Variants in USP53 observed in about 807,000 individuals in gnomAD.
The protein encoded by USP53 is ubiquitin specific peptidase 53.
A neutral mutation model predicts 94.9 loss-of-function variants in USP53; 71 were observed. That is an observed-to-expected ratio of 0.75 (90% confidence interval 0.62 to 0.91). The LOEUF (loss-of-function observed/expected upper bound fraction) is 0.91, where lower values mean the gene tolerates loss of function less well. Among genes scored for constraint, USP53 ranks in the 40% least tolerant of loss-of-function variants. The probability of loss-of-function intolerance (pLI) is 0.00; values close to 1 mark genes in which losing one functional copy is unlikely to be tolerated. For synonymous variants in USP53, 375 were observed against 422.7 expected (o/e 0.89, Z 1.39); for missense variants, 1,173 against 1,281.0 (o/e 0.92, Z 1.29).
chr4:119,214,865 T>G (rs1322162886), intron 2 of USP53, among the ~76,000 whole-genome samples: 2 of 152,230 alleles, frequency 1.3e-5, no homozygotes, highest in Non-Finnish European at 2.9e-5. Context: ...TGGAATTGTT[T>G]GGAACTCTCT....
chr4:119,257,599 G>A (rs1046061980), intron 9 of USP53, among the ~76,000 whole-genome samples: 15 of 152,300 alleles, frequency 9.8e-5, no homozygotes, highest in Middle Eastern at 3.4e-3. Context: ...ATTTGTGTCA[G>A]TGTGCAAAGT....
rs1754902588 is a variant in USP53 at position 119,292,732 on chromosome 4, C to CT, written c.2749dup (p.Cys917LeufsTer29). 1.9e-6 allele frequency: 3 copies of CT among 1,613,830 alleles called. No individual in the cohort carries two copies. Among genetic ancestry groups the CT allele is most frequent in the African/African-American group, 2.7e-5 (2 of 74,878 alleles). ...ATCTGATGGGTGTCAGATGCCAAAACTTTTTTGCCAGAATCTACCACCCCC... is the reference window on the plus strand; with the variant it reads ...ATCTGATGGGTGTCAGATGCCAAAACTTTTTTTGCCAGAATCTACCACCCCC... On this transcript the variant is annotated frameshift_variant, in exon 19 of 19. Coordinates refer to ENST00000692078, the MANE Select transcript of USP53 (RefSeq NM_001371395.1). LOFTEE classifies it low-confidence loss of function (END_TRUNC).
rs138940146 is a variant in USP53 at position 119,222,404 on chromosome 4, C to T, written c.-665+4731C>T. On this transcript the variant is annotated intron_variant, in intron 3 of 18. Coordinates refer to ENST00000692078, the MANE Select transcript of USP53 (RefSeq NM_001371395.1). ...TACTGAACACGAGAACTTATTCCTT[C>T]TAATTGTATTTTTGTACATTGACCA... 2.3e-3 allele frequency among the ~76,000 whole-genome samples: 350 copies of T among 152,298 alleles called. 1 individual carries two copies. The highest frequency in any genetic ancestry group is 8.1e-3 in the African/African-American group (335 of 41,572).
In USP53 at chr4:119,271,286, T is replaced by G. The variant is rs904356752; in HGVS notation, c.1436-10T>G. ...GTAATTCATGTGTATCTTTAATTTT[T>G]TTTTTTAAGATTTGGTTGATGAAGA... On this transcript the variant is annotated splice_polypyrimidine_tract_variant and intron_variant, in intron 15 of 18. Coordinates refer to ENST00000692078, the MANE Select transcript of USP53 (RefSeq NM_001371395.1). 6.5e-7 allele frequency: 1 copy of G among 1,531,998 alleles called. No individual in the cohort carries two copies. The highest frequency in any genetic ancestry group is 1.4e-5 in the African/African-American group (1 of 71,974). The allele number at this position is 1,531,998 out of a possible 1,614,324, so 94.9% of individuals were successfully genotyped here.
Position 119,260,669 on chromosome 4 carries a change from T to G in USP53, c.822+16T>G, listed in dbSNP as rs1442078642. 2 of 1,608,716 alleles carry G rather than the reference T, an allele frequency of 1.2e-6. No individual in the cohort carries two copies. The highest frequency in any genetic ancestry group is 2.7e-5 in the African/African-American group (2 of 74,734). ...TCTTCCTGGGGTATCTTATCTATTT[T>G]CATTCCCTTCCCTTTTATTTTCAAA... is the stretch of plus-strand genomic sequence containing the variant. On this transcript the variant is annotated intron_variant, in intron 11 of 18. Coordinates refer to ENST00000692078, the MANE Select transcript of USP53 (RefSeq NM_001371395.1).
chr4:119,214,741 G>C (rs776184958), intron 2 of USP53, among the ~76,000 whole-genome samples: 1 of 151,896 alleles, frequency 6.6e-6, no homozygotes, highest in Non-Finnish European at 1.5e-5. Context: ...TACAACTTTG[G>C]TACCATATGG....
intron 3 of USP53, among the ~76,000 whole-genome samples, chr4:119,230,351 A>G (rs888390444): frequency 6.6e-6 from 1 of 152,082 alleles, no homozygotes; most frequent in African/African-American, 2.4e-5. Context: ...GTTTTCCTCT[A>G]ATGTGGTCTT....
At chr4:119,286,643 T>C (rs548663808) in intron 17 of USP53, among the ~76,000 whole-genome samples, 77 of 152,172 alleles carry the variant, frequency 5.1e-4, no homozygotes, top group African/African-American at 1.8e-3. Flanking sequence ...AAGAACTAAA[T>C]ATTTACTTGT....
At chr4:119,231,402 C>T (rs67073020) in intron 3 of USP53, among the ~76,000 whole-genome samples, 43,756 of 151,850 alleles carry the variant, frequency 0.29, 6,413 homozygotes, top group East Asian at 0.38. Context: ...ATAGTTGTTG[C>T]CATGTTGATC....
intron 3 of USP53, among the ~76,000 whole-genome samples, chr4:119,223,216 C>T (rs780181954): frequency 8.6e-5 from 13 of 152,018 alleles, no homozygotes; most frequent in Non-Finnish European, 1.9e-4. Flanking sequence ...TTATTTGGCA[C>T]CTGGAGATTT....
intron 3 of USP53, among the ~76,000 whole-genome samples, chr4:119,232,830 G>T (rs992172285): frequency 6.6e-6 from 1 of 152,086 alleles, no homozygotes; most frequent in African/African-American, 2.4e-5. Context: ...TTTATGAAAT[G>T]ATTTGGGGTT....
At position 119,213,477 on chromosome 4, in the gene USP53, G is replaced by A. The variant is rs182572430; in HGVS notation, c.-941-593G>A. On this transcript the variant is annotated intron_variant, in intron 1 of 18. Coordinates refer to ENST00000692078, the MANE Select transcript of USP53 (RefSeq NM_001371395.1). The stretch of plus-strand genomic sequence containing the variant: ...ATTTTTAAACAGTGTTGGAGAACAG[G>A]AAGTACTTGCACAGGTGTAATAGGG... Among the ~76,000 whole-genome samples the A allele has an allele frequency of 3.3e-5, 5 of 151,964 alleles. No individual in the cohort carries two copies. In the East Asian group the frequency reaches 9.7e-4, roughly 29 times the overall value.
At chr4:119,259,610 C>T (rs893432207) in intron 9 of USP53, among the ~76,000 whole-genome samples, 2 of 151,942 alleles carry the variant, frequency 1.3e-5, no homozygotes, top group African/African-American at 4.8e-5. Flanking sequence ...ACTTTGTTTT[C>T]TTTATTTGAG....
chr4:119,259,097 A>G (rs1458611652), intron 9 of USP53, among the ~76,000 whole-genome samples: 2 of 152,086 alleles, frequency 1.3e-5, no homozygotes, highest in Non-Finnish European at 2.9e-5. Context: ...CCTGAGGAAC[A>G]TGGTGAAACT....
In USP53 at chr4:119,292,810, G is replaced by A. The variant is rs771440237; in HGVS notation, c.2821G>A (p.Glu941Lys). The change falls in exon 19 of 19, where the codon GAA (glutamate) becomes AAA (lysine). Residue 941 changes from glutamate to lysine, a missense_variant. Transcript: ENST00000692078. Reference sequence around the variant, plus strand: ...CAGTGTGCCACAGTCAGAGAAAAGCGAATCTACACCTGATGTCAAACTTAC... The same window carrying A: ...CAGTGTGCCACAGTCAGAGAAAAGCAAATCTACACCTGATGTCAAACTTAC... The part of the protein sequence containing the change: ...ITSVPQSEKS[E>K]STPDVKLTEV... 21 of 1,607,844 alleles carry A rather than the reference G, an allele frequency of 1.3e-5. No individual in the cohort carries two copies. The highest frequency in any genetic ancestry group is 3.4e-5 in the Admixed American group (2 of 59,466).
rs181755724 is a variant in USP53 at position 119,286,543 on chromosome 4, G to C, written c.2252-4622G>C. Among the ~76,000 whole-genome samples the C allele has an allele frequency of 2.6e-5, 4 of 152,032 alleles. No homozygotes were observed. In the East Asian group the frequency reaches 7.7e-4, roughly 29 times the overall value. On this transcript the variant is annotated intron_variant, in intron 17 of 18. Coordinates refer to ENST00000692078, the MANE Select transcript of USP53 (RefSeq NM_001371395.1). The stretch of plus-strand genomic sequence containing the variant: ...ACCACTTGGTTGAATGCCTGCCACA[G>C]TGATATTAAAATTTCAAACATGCTC...
At position 119,293,068 on chromosome 4, in the gene USP53, A is replaced by T. The variant is rs770675243; in HGVS notation, c.3079A>T (p.Thr1027Ser). 251 of 1,613,988 alleles carry T rather than the reference A, an allele frequency of 1.6e-4. No individual in the cohort carries two copies. Among genetic ancestry groups the T allele is most frequent in the Non-Finnish European group, 2.1e-4 (246 of 1,179,954 alleles). The change falls in exon 19 of 19, where the codon ACC (threonine) becomes TCC (serine). Residue 1027 changes from threonine (T) to serine (S), a missense_variant. By Grantham distance (58) the Thr-to-Ser change is moderately conservative (BLOSUM62 1). Transcript: ENST00000692078. ...FCQPELDSIS[T>S]CPNETVSLTT... ...CCAACCAGAACTAGACTCTATTTCT[A>T]CCTGTCCAAATGAGACAGTTTCATT...
intron 4 of USP53, among the ~76,000 whole-genome samples, chr4:119,236,254 GTA>G (rs1746731894): frequency 6.6e-6 from 1 of 150,746 alleles, no homozygotes; most frequent in Admixed American, 6.6e-5. Context: ...AAAAGACAAT[GTA>G]TATATCTTAT....
chr4:119,268,358 C>A lies in USP53; in HGVS notation c.1226C>A (p.Pro409Gln), dbSNP rs765541286. 2.5e-6 allele frequency: 4 copies of A among 1,613,694 alleles called. No individual in the cohort carries two copies. The Admixed American group carries it at 6.7e-5, about 27-fold the overall frequency. The change falls in exon 14 of 19, where the codon CCA becomes CAA. Residue 409 changes from proline to glutamine, a missense_variant. Physicochemically the swap from Pro to Gln is moderately conservative, Grantham distance 76. Transcript: ENST00000692078. Reference sequence around the variant, plus strand: ...AAGCAGAGAGAAAATCAGAAATTTCCAACTGATAATATTTCATCATCTAAT... The same window carrying A: ...AAGCAGAGAGAAAATCAGAAATTTCAAACTGATAATATTTCATCATCTAAT... ...QAKQRENQKFPTDNISSSNRS... is the reference protein window; with the variant it reads ...QAKQRENQKFQTDNISSSNRS...
Sources: gnomAD v4.1 joint callset for allele counts (sites outside exome capture counted in the v4.1 genomes callset) on GRCh38, gnomAD v4.1.1 for gene constraint, MANE v1.5 for transcripts, NCBI Gene and HGNC (gene_info 2026-07-23, HGNC 2026-07-21) for gene names.